Variants in FRS2 observed in about 807,000 individuals in gnomAD.
FRS2 encodes the protein FGFR signalling adaptor.
Under a neutral mutation model 43.9 loss-of-function variants are expected in FRS2, and 8 were observed. The observed-to-expected ratio is 0.18, with a 90% CI of 0.11 to 0.33. The LOEUF is 0.33. Among genes scored for constraint, FRS2 ranks in the 10% least tolerant of loss-of-function variants. The pLI, the probability that FRS2 is intolerant of heterozygous loss-of-function variation, is 1.00. For synonymous variants in FRS2, 219 were observed against 220.3 expected (o/e 0.99, Z 0.05); for missense variants, 534 against 627.6 (o/e 0.85, Z 1.59).
At chr12:69,538,768 T>C (rs11177709) in intron 3 of FRS2, among the ~76,000 whole-genome samples, 60,439 of 151,710 alleles carry the variant, frequency 0.4, 13,666 homozygotes, top group Non-Finnish European at 0.5. Context: ...TCCCTTATAT[T>C]ATTCAGATGC....
chr12:69,531,799 G>T (rs1231702393), intron 2 of FRS2, among the ~76,000 whole-genome samples: 4 of 152,134 alleles, frequency 2.6e-5, no homozygotes, highest in Non-Finnish European at 5.9e-5. Context: ...GATATTTAGA[G>T]AATAGAATAA....
intron 3 of FRS2, among the ~76,000 whole-genome samples, chr12:69,549,769 T>C (rs1878715613): frequency 6.6e-6 from 1 of 152,232 alleles, no homozygotes; most frequent in African/African-American, 2.4e-5. Flanking sequence ...TCCACACTGG[T>C]TTCTACAGTC....
chr12:69,560,598 T>G (rs1879798021), intron 3 of FRS2, among the ~76,000 whole-genome samples: 1 of 152,222 alleles, frequency 6.6e-6, no homozygotes, highest in Admixed American at 6.5e-5. Context: ...CTTGGTTTCC[T>G]TATTTGGAAC....
intron 3 of FRS2, among the ~76,000 whole-genome samples, chr12:69,559,749 G>A (rs1879724171): frequency 6.7e-6 from 1 of 149,494 alleles, no homozygotes; most frequent in Non-Finnish European, 1.5e-5. Context: ...GAATTAACAG[G>A]AAATTAATGT....
chr12:69,532,400 A>T (rs1383327247), intron 3 of FRS2, among the ~76,000 whole-genome samples: 1 of 152,116 alleles, frequency 6.6e-6, no homozygotes, highest in Non-Finnish European at 1.5e-5. Context: ...TGCCTACGTG[A>T]CTTGGAGGAG....
chr12:69,533,604 C>T (rs1877008393), intron 3 of FRS2, among the ~76,000 whole-genome samples: 1 of 152,148 alleles, frequency 6.6e-6, no homozygotes, highest in Non-Finnish European at 1.5e-5. Flanking sequence ...CTGCCTTGGC[C>T]TCCCAAAGTG....
chr12:69,492,798 T>G (rs114789103), intron 1 of FRS2, among the ~76,000 whole-genome samples: 2,836 of 152,322 alleles, frequency 0.019, 93 homozygotes, highest in African/African-American at 0.063. Context: ...TCTCACTTGG[T>G]AGCAATAATT....
At chr12:69,485,134 C>T (rs221085) in intron 1 of FRS2, among the ~76,000 whole-genome samples, 19,397 of 133,872 alleles carry the variant, frequency 0.14, 1,712 homozygotes, top group African/African-American at 0.19. Context: ...CACACACACA[C>T]ACTCTCACCC....
At chr12:69,500,556 GAAC>G (rs1422497884) in intron 1 of FRS2, among the ~76,000 whole-genome samples, 2 of 152,174 alleles carry the variant, frequency 1.3e-5, no homozygotes, top group Non-Finnish European at 2.9e-5. Context: ...GTATCTATTA[GAAC>G]ATTTCTTTTG....
intron 1 of FRS2, among the ~76,000 whole-genome samples, chr12:69,477,516 T>A (rs990118953): frequency 7.3e-5 from 11 of 151,286 alleles, no homozygotes; most frequent in African/African-American, 2.7e-4. Context: ...TCTCCTGACC[T>A]CGTGATCTGC....
At chr12:69,556,011 G>GGC (rs1555192259) in intron 3 of FRS2, among the ~76,000 whole-genome samples, 1 of 57,114 alleles carries the variant, frequency 1.8e-5, no homozygotes, top group Non-Finnish European at 3.2e-5. Context: ...TGTGTGGCGG[G>GGC]GGGGGGGGCG....
In FRS2 at chr12:69,576,518, T is replaced by C. The variant is rs897335717; in HGVS notation, c.*1563T>C. The C allele has an allele frequency of 1.3e-5, 2 of 152,196 alleles. No homozygotes were observed. Among genetic ancestry groups the C allele is most frequent in the Non-Finnish European group, 2.9e-5 (2 of 68,030 alleles). 9.4% of individuals were successfully genotyped at this position (152,196 alleles called of 1,614,324 possible). On this transcript the variant is annotated 3_prime_UTR_variant, in exon 9 of 9. Coordinates refer to ENST00000549921, the MANE Select transcript of FRS2 (RefSeq NM_001278356.2). ...AACCTTGCAAAATATTTTACTATTT[T>C]CTCTAAATATGAGGAAGTTTGAGAT... is the stretch of plus-strand genomic sequence containing the variant.
At position 69,527,829 on chromosome 12, in the gene FRS2, T is replaced by C. The variant is rs114541867; in HGVS notation, c.-260-3036T>C. 6.3e-3 allele frequency among the ~76,000 whole-genome samples: 957 copies of C among 152,332 alleles called. 9 individuals carry two copies. Among genetic ancestry groups the C allele is most frequent in the African/African-American group, 0.022 (914 of 41,554 alleles). The stretch of plus-strand genomic sequence containing the variant: ...TGGGAGCATTTCGGTACAAAAATAT[T>C]CAAGGGTTCTCTCCAACTTTCCAAA... On this transcript the variant is annotated intron_variant, in intron 1 of 8. Coordinates refer to ENST00000549921, the MANE Select transcript of FRS2 (RefSeq NM_001278356.2).
chr12:69,513,278 T>A (rs1874647980), intron 1 of FRS2, among the ~76,000 whole-genome samples: 1 of 152,084 alleles, frequency 6.6e-6, no homozygotes, highest in Non-Finnish European at 1.5e-5. Context: ...TCTTTTTTTT[T>A]AGGTTGGCAG....
rs1174924039 is a variant in FRS2 at position 69,576,624 on chromosome 12, G to C, written c.*1669G>C. The stretch of plus-strand genomic sequence containing the variant: ...GTCATATTGGCATCCAACCTATTCA[G>C]TAACCGAATCATAGGACAATGATGG... On this transcript the variant is annotated 3_prime_UTR_variant, in exon 9 of 9. Transcript: ENST00000549921. 1.3e-5 allele frequency: 2 copies of C among 152,192 alleles called. No homozygotes were observed. The highest frequency in any genetic ancestry group is 4.8e-5 in the African/African-American group (2 of 41,450). 9.4% of individuals were successfully genotyped at this position (152,192 alleles called of 1,614,324 possible). A position where few individuals can be genotyped will look rare whatever the true frequency, so the allele number is the denominator to read the frequency against.
intron 1 of FRS2, among the ~76,000 whole-genome samples, chr12:69,479,541 G>C (rs535092115): frequency 6.6e-6 from 1 of 151,908 alleles, no homozygotes; most frequent in Non-Finnish European, 1.5e-5. Flanking sequence ...GGGATTACAG[G>C]TGTGTACCAC....
chr12:69,548,512 T>G (rs1878607086), intron 3 of FRS2, among the ~76,000 whole-genome samples: 1 of 152,210 alleles, frequency 6.6e-6, no homozygotes, highest in Non-Finnish European at 1.5e-5. Flanking sequence ...TTAGTTGGTT[T>G]GACTAAGAAA....
chr12:69,557,301 C>T (rs1879439454), intron 3 of FRS2, among the ~76,000 whole-genome samples: 1 of 152,076 alleles, frequency 6.6e-6, no homozygotes, highest in Non-Finnish European at 1.5e-5. Context: ...TTTTGATCTA[C>T]AATGTTTACA....
intron 1 of FRS2, among the ~76,000 whole-genome samples, chr12:69,508,430 T>A (rs1271611962): frequency 2.0e-5 from 3 of 152,216 alleles, no homozygotes; most frequent in Non-Finnish European, 4.4e-5. Flanking sequence ...AATGAATTGT[T>A]CTACAAGAAA....
Sources: gnomAD v4.1 joint callset for allele counts (sites outside exome capture counted in the v4.1 genomes callset) on GRCh38, gnomAD v4.1.1 for gene constraint, MANE v1.5 for transcripts, NCBI Gene and HGNC (gene_info 2026-07-23, HGNC 2026-07-21) for gene names.